The following LONP2 variants were observed in gnomAD, a reference collection of about 807,000 sequenced individuals.
The protein encoded by LONP2 is lon protease homolog 2, peroxisomal.
A neutral mutation model predicts 85.6 loss-of-function variants in LONP2; 60 were observed. The ratio of observed to expected loss-of-function variants is 0.70; its 90% CI spans 0.57 to 0.87. The LOEUF (loss-of-function observed/expected upper bound fraction) is 0.87. Among genes scored for constraint, LONP2 ranks in the 40% least tolerant of loss-of-function variants. The pLI, the probability that LONP2 is intolerant of heterozygous loss-of-function variation, is 0.00. For missense variants in LONP2, 860 were observed against 1,063.5 expected (o/e 0.81, Z 2.66); for synonymous variants, 395 against 389.7 (o/e 1.01, Z -0.16).
chr16:48,335,322 C>T (rs943418778), intron 12 of LONP2, among the ~76,000 whole-genome samples: 3 of 152,160 alleles, frequency 2.0e-5, no homozygotes, highest in Non-Finnish European at 2.9e-5. Context: ...ACCTATTGTT[C>T]CATTGTTAAT....
At chr16:48,333,102 C>T (rs544447870) in intron 11 of LONP2, among the ~76,000 whole-genome samples, 3 of 152,236 alleles carry the variant, frequency 2.0e-5, no homozygotes, top group African/African-American at 7.2e-5. Context: ...GGAATGAGAT[C>T]GAATACAGCC....
chr16:48,333,267 T>A (rs1959522920), intron 11 of LONP2, among the ~76,000 whole-genome samples: 1 of 152,126 alleles, frequency 6.6e-6, no homozygotes, highest in South Asian at 2.1e-4. Flanking sequence ...TATGTCTAGG[T>A]CCAAACCAAA....
intron 11 of LONP2, among the ~76,000 whole-genome samples, chr16:48,307,794 T>C (rs1440155118): frequency 6.6e-6 from 1 of 152,228 alleles, no homozygotes; most frequent in Admixed American, 6.5e-5. Context: ...AAGGAATACT[T>C]GAGGCTGGGT....
chr16:48,264,313 G>GT (rs1325149291), intron 6 of LONP2, among the ~76,000 whole-genome samples: 12 of 146,664 alleles, frequency 8.2e-5, no homozygotes, highest in Non-Finnish European at 1.5e-4. Context: ...GGTACGCCCC[G>GT]GGGGGGCCAG....
chr16:48,328,265 G>T (rs1343262663), intron 11 of LONP2, among the ~76,000 whole-genome samples: 3 of 151,772 alleles, frequency 2.0e-5, no homozygotes, highest in Non-Finnish European at 4.4e-5. Context: ...CAAAAATTGG[G>T]CCGGGCGCGG....
At chr16:48,294,017 A>G (rs1241765841) in intron 8 of LONP2, among the ~76,000 whole-genome samples, 1 of 152,236 alleles carries the variant, frequency 6.6e-6, no homozygotes, top group African/African-American at 2.4e-5. Context: ...GCCCACGGCA[A>G]CTTCTGCCTC....
rs572883157 is a variant in LONP2 at position 48,308,525 on chromosome 16, G to A, written c.1795+5220G>A. Among the ~76,000 whole-genome samples, 46 of 151,780 alleles carry A rather than the reference G, an allele frequency of 3.0e-4. 1 individual carries two copies. The highest frequency in any genetic ancestry group is 1.0e-3 in the African/African-American group (43 of 41,384). ...GCCTATAGTCCCAGCTACTCGGGAG[G>A]CTGAGACAGGAGAATCACTTGAACC... On this transcript the variant is annotated intron_variant, in intron 11 of 14. Transcript: ENST00000285737.
In LONP2 at chr16:48,259,401, T is replaced by C. The variant is rs112690274; in HGVS notation, c.723+661T>C. Among the ~76,000 whole-genome samples, 1,021 of 152,348 alleles carry C rather than the reference T, an allele frequency of 6.7e-3. 12 individuals are homozygous for C. Among genetic ancestry groups the C allele is most frequent in the African/African-American group, 0.023 (971 of 41,578 alleles). On this transcript the variant is annotated intron_variant, in intron 4 of 14. Transcript: ENST00000285737. ...CCCATTATCATCTATTACATTTATATGTATGATGGGATCTGTTTGAAGTCT... is the reference window on the plus strand; with the variant it reads ...CCCATTATCATCTATTACATTTATACGTATGATGGGATCTGTTTGAAGTCT...
intron 1 of LONP2, among the ~76,000 whole-genome samples, chr16:48,249,713 TAAAAA>T (rs762787068): frequency 2.6e-5 from 4 of 151,826 alleles, no homozygotes; most frequent in Non-Finnish European, 5.9e-5. Context: ...CCATCTCTGT[TAAAAA>T]AAGAAAAAAA....
chr16:48,269,072 T>A (rs1411390371), intron 6 of LONP2, among the ~76,000 whole-genome samples: 1 of 152,196 alleles, frequency 6.6e-6, no homozygotes, highest in East Asian at 1.9e-4. Context: ...CTGAGTATTT[T>A]AAATGCTAAA....
chr16:48,293,385 G>A (rs560844505), intron 8 of LONP2, among the ~76,000 whole-genome samples: 22 of 152,020 alleles, frequency 1.4e-4, no homozygotes, highest in African/African-American at 4.6e-4. Context: ...CCGAGATCGC[G>A]CCACTGCACT....
chr16:48,334,451 C>T, intron 12 of LONP2, 93 bp downstream of exon 12: 3 of 1,479,106 alleles, frequency 2.0e-6, no homozygotes, highest in African/African-American at 2.8e-5. Flanking sequence ...AGGAGGCTGC[C>T]CTTTGGGGAA....
rs940490985 is a variant in LONP2 at position 48,356,588 on chromosome 16, ATT to A, written c.*4793_*4794del. The A allele has an allele frequency of 4.0e-6, 1 of 252,706 alleles. No individual in the cohort carries two copies. Among genetic ancestry groups the A allele is most frequent in the African/African-American group, 2.3e-5 (1 of 44,288 alleles). The allele number at this position is 252,706 out of a possible 1,614,324, so 15.7% of individuals were successfully genotyped here. A position where few individuals can be genotyped will look rare whatever the true frequency, so the allele number is the denominator to read the frequency against. On this transcript the variant is annotated 3_prime_UTR_variant, in exon 15 of 15. Coordinates refer to ENST00000285737, the MANE Select transcript of LONP2 (RefSeq NM_031490.5). Reference sequence around the variant, plus strand: ...GATTTATGGTCCAACACTAATGCTCATTTTTTTTGTTTGTTTTACAAACATTT... The same window carrying A: ...GATTTATGGTCCAACACTAATGCTCATTTTTTGTTTGTTTTACAAACATTT...
At chr16:48,276,893 A>G (rs951568163) in intron 7 of LONP2, among the ~76,000 whole-genome samples, 3 of 152,032 alleles carry the variant, frequency 2.0e-5, no homozygotes, top group African/African-American at 7.3e-5. Flanking sequence ...AATTTCCTTC[A>G]TGAAGATGAT....
intron 12 of LONP2, among the ~76,000 whole-genome samples, chr16:48,339,076 A>C (rs1959740412): frequency 6.6e-6 from 1 of 152,186 alleles, no homozygotes; most frequent in Admixed American, 6.5e-5. Context: ...CACCTAAGAA[A>C]AAAGGATACA....
downstream of LONP2, among the ~76,000 whole-genome samples, chr16:48,358,740 G>A (rs186072309): frequency 6.6e-6 from 1 of 152,172 alleles, no homozygotes; most frequent in Non-Finnish European, 1.5e-5. Flanking sequence ...AGGATCACTT[G>A]AGCCCAGGAG....
At chr16:48,334,662 A>T in intron 12 of LONP2, 2 of 593,292 alleles carry the variant, frequency 3.4e-6, no homozygotes, top group South Asian at 3.1e-5. Context: ...CGCAGGGTGG[A>T]CTCTTTCTGG....
In LONP2 at chr16:48,356,667, G is replaced by A; in HGVS notation, c.*4865G>A. 1 of 377,946 alleles carries A rather than the reference G, an allele frequency of 2.6e-6. No homozygotes were observed. The highest frequency in any genetic ancestry group is 5.3e-6 in the Non-Finnish European group (1 of 186,922). The allele number at this position is 377,946 out of a possible 1,614,324, so 23.4% of individuals were successfully genotyped here. A position where few individuals can be genotyped will look rare whatever the true frequency, so the allele number is the denominator to read the frequency against. On this transcript the variant is annotated 3_prime_UTR_variant, in exon 15 of 15. Coordinates refer to ENST00000285737, the MANE Select transcript of LONP2 (RefSeq NM_031490.5). ...TTAAAAAACAAAAATGCTGAAAGAG[G>A]AAGGAAATATCAAAAAGGTCTGAAT...
At chr16:48,255,397 C>G (rs890015963) in intron 2 of LONP2, among the ~76,000 whole-genome samples, 5 of 152,158 alleles carry the variant, frequency 3.3e-5, no homozygotes, top group African/African-American at 1.2e-4. Context: ...GACTCATAGA[C>G]ACACCTATTA....
Sources: gnomAD v4.1 joint callset for allele counts (sites outside exome capture counted in the v4.1 genomes callset) on GRCh38, gnomAD v4.1.1 for gene constraint, MANE v1.5 for transcripts, NCBI Gene and HGNC (gene_info 2026-07-23, HGNC 2026-07-21) for gene names.